Variants in GRM7 observed in about 807,000 individuals in gnomAD.
The protein encoded by GRM7 is glutamate metabotropic receptor 7, also known as metabotropic glutamate receptor 7.
In GRM7, 35 loss-of-function variants were observed where a neutral mutation model predicts 84.5. The observed-to-expected ratio is 0.41, with a 90% CI of 0.32 to 0.55. GRM7 has a LOEUF of 0.55. Ranked by LOEUF, GRM7 falls within the 20% of genes least tolerant of loss-of-function variation. The pLI, the probability that GRM7 is intolerant of heterozygous loss-of-function variation, is 0.19. For synonymous variants in GRM7, 487 were observed against 455.1 expected (o/e 1.07, Z -0.89); for missense variants, 1,003 against 1,194.6 (o/e 0.84, Z 2.36).
chr3:7,280,285 C>G (rs1508719), intron 2 of GRM7, among the ~76,000 whole-genome samples: 136,765 of 152,264 alleles, frequency 0.9, 61,695 homozygotes, highest in East Asian at 0.98. Context: ...AAACAGTACA[C>G]CTGAGTTAAA....
intron 2 of GRM7, among the ~76,000 whole-genome samples, chr3:7,291,019 C>G (rs1484476081): frequency 6.6e-6 from 1 of 152,244 alleles, no homozygotes; most frequent in African/African-American, 2.4e-5. Context: ...CACTCTGTCT[C>G]CCTCTCTCAC....
rs536039849 is a variant in GRM7 at position 7,329,816 on chromosome 3, A to C, written c.1033+23164A>C. Among the ~76,000 whole-genome samples, 5 of 152,264 alleles carry C rather than the reference A, an allele frequency of 3.3e-5. No individual in the cohort carries two copies. In the South Asian group the frequency reaches 1.0e-3, roughly 32 times the overall value. On this transcript the variant is annotated intron_variant, in intron 4 of 9. Transcript: ENST00000357716. ...TATATGCATGGATGTATGTATACTT[A>C]GATATGCATAACATATATGCATCTA...
intron 5 of GRM7, among the ~76,000 whole-genome samples, chr3:7,434,346 T>A (rs973327198): frequency 1.4e-4 from 21 of 152,208 alleles, no homozygotes; most frequent in Non-Finnish European, 2.4e-4. Context: ...GAAGTAATAA[T>A]GGGAGTACCT....
chr3:7,380,343 G>A (rs1472223013), intron 4 of GRM7, among the ~76,000 whole-genome samples: 1 of 121,704 alleles, frequency 8.2e-6, no homozygotes, highest in East Asian at 2.5e-4. Flanking sequence ...GTTATCCTCT[G>A]CGCATCATAT....
At chr3:7,386,738 G>C (rs748994898) in intron 4 of GRM7, among the ~76,000 whole-genome samples, 2 of 152,058 alleles carry the variant, frequency 1.3e-5, no homozygotes, top group African/African-American at 2.4e-5. Flanking sequence ...ATTCAAGTGC[G>C]GGTGTCTTTT....
chr3:7,540,044 A>G (rs1354052196), intron 7 of GRM7, among the ~76,000 whole-genome samples: 1 of 152,248 alleles, frequency 6.6e-6, no homozygotes, highest in Admixed American at 6.5e-5. Context: ...CCATTATAAA[A>G]ATAAGATCAT....
chr3:7,515,982 AAAAT>A (rs746592961), intron 7 of GRM7, among the ~76,000 whole-genome samples: 6 of 152,082 alleles, frequency 3.9e-5, no homozygotes, highest in African/African-American at 4.8e-5. Context: ...GTCTCTACAA[AAAAT>A]AAATAAATAA....
chr3:7,320,681 A>AGTGTGTGTGT (rs56313913), intron 4 of GRM7, among the ~76,000 whole-genome samples: 6,250 of 141,102 alleles, frequency 0.044, 150 homozygotes, highest in East Asian at 0.09. Context: ...GTGGGTGATC[A>AGTGTGTGTGT]GTGTGTGTGT....
At chr3:7,156,616 A>G (rs747315032) in intron 2 of GRM7, among the ~76,000 whole-genome samples, 40 of 152,162 alleles carry the variant, frequency 2.6e-4, no homozygotes, top group Non-Finnish European at 4.4e-4. Flanking sequence ...AAACTTGTTT[A>G]CAGTTGACTG....
chr3:7,429,817 A>G (rs995796597), intron 5 of GRM7, among the ~76,000 whole-genome samples: 2 of 152,226 alleles, frequency 1.3e-5, no homozygotes, highest in Non-Finnish European at 2.9e-5. Context: ...TAAAAATAAA[A>G]CATAAGCAAT....
chr3:7,463,130 A>C, intron 7 of GRM7, among the ~76,000 whole-genome samples: 1 of 152,196 alleles, frequency 6.6e-6, no homozygotes, highest in East Asian at 1.9e-4. Context: ...TAAGAGAATC[A>C]AGGTCTATGG....
intron 1 of GRM7, among the ~76,000 whole-genome samples, chr3:6,893,610 CA>C (rs1272914061): frequency 6.6e-6 from 1 of 152,092 alleles, no homozygotes; most frequent in Non-Finnish European, 1.5e-5. Flanking sequence ...GAAAAAGACA[CA>C]AAAATACACC....
chr3:7,142,913 AAAG>A (rs1693995674), intron 1 of GRM7, among the ~76,000 whole-genome samples: 2 of 152,198 alleles, frequency 1.3e-5, no homozygotes, highest in African/African-American at 2.4e-5. Context: ...TATGAGGAGA[AAAG>A]AATAATAAGA....
At chr3:7,002,654 G>C (rs1695050463) in intron 1 of GRM7, among the ~76,000 whole-genome samples, 1 of 152,000 alleles carries the variant, frequency 6.6e-6, no homozygotes, top group Non-Finnish European at 1.5e-5. Context: ...GAATAGTATA[G>C]GATTTTTGGA....
intron 5 of GRM7, among the ~76,000 whole-genome samples, chr3:7,427,020 G>A (rs750955188): frequency 2.6e-5 from 4 of 152,188 alleles, no homozygotes; most frequent in Non-Finnish European, 4.4e-5. Context: ...TTTGCTGGAA[G>A]ACTATCCTGG....
At chr3:7,470,251 C>G (rs1698644469) in intron 7 of GRM7, among the ~76,000 whole-genome samples, 1 of 152,194 alleles carries the variant, frequency 6.6e-6, no homozygotes, top group African/African-American at 2.4e-5. Flanking sequence ...TTGATAGTCT[C>G]TGGAAATTGG....
chr3:7,661,148 G>A (rs758649765), intron 8 of GRM7, among the ~76,000 whole-genome samples: 3 of 152,128 alleles, frequency 2.0e-5, no homozygotes, highest in Non-Finnish European at 2.9e-5. Context: ...AAAAGATAGT[G>A]TTAAGTGAAT....
intron 7 of GRM7, among the ~76,000 whole-genome samples, chr3:7,572,681 G>T (rs1575509082): frequency 6.6e-6 from 1 of 150,486 alleles, no homozygotes; most frequent in East Asian, 2.0e-4. Flanking sequence ...AATTAGCCAG[G>T]CATGGGGGCG....
chr3:7,587,119 A>G (rs1420317580), intron 8 of GRM7, among the ~76,000 whole-genome samples: 1 of 152,178 alleles, frequency 6.6e-6, no homozygotes, highest in Non-Finnish European at 1.5e-5. Flanking sequence ...TTCAACATGA[A>G]TAGTTTATTA....
Sources: gnomAD v4.1 joint callset for allele counts (sites outside exome capture counted in the v4.1 genomes callset) on GRCh38, gnomAD v4.1.1 for gene constraint, MANE v1.5 for transcripts, NCBI Gene and HGNC (gene_info 2026-07-23, HGNC 2026-07-21) for gene names.